ZNF737: variants seen among roughly 807,000 people sequenced by gnomAD.
ZNF737 encodes zinc finger protein 102 (Y3).
ZNF737 carries 13 observed loss-of-function variants against 11.7 expected under a neutral mutation model. The ratio of observed to expected loss-of-function variants is 1.11; its 90% CI spans 0.73 to 1.77. The LOEUF (loss-of-function observed/expected upper bound fraction) is 1.77. Among genes scored for constraint, ZNF737 ranks in the 40% most tolerant of loss-of-function variants. The probability of loss-of-function intolerance (pLI) is 0.00; values close to 1 mark genes in which losing one functional copy is unlikely to be tolerated. For synonymous variants in ZNF737, 217 were observed against 216.2 expected (o/e 1.00, Z -0.03); for missense variants, 636 against 638.0 (o/e 1.00, Z 0.03).
rs1236676182 is a variant in ZNF737 at position 20,539,700 on chromosome 19, A to T, written c.*4892T>A. On this transcript the variant is annotated 3_prime_UTR_variant, in exon 4 of 4. Coordinates refer to ENST00000427401, the MANE Select transcript of ZNF737 (RefSeq NM_001159293.2). Reference sequence around the variant, plus strand: ...ATTATTTATAAATTCATTGTTTTTAAGGTTTTTCAAATATGAAAACAGACA... The same window carrying T: ...ATTATTTATAAATTCATTGTTTTTATGGTTTTTCAAATATGAAAACAGACA... 1 of 965,608 alleles carries T rather than the reference A, an allele frequency of 1.0e-6. No individual in the cohort carries two copies. Among genetic ancestry groups the T allele is most frequent in the African/African-American group, 1.8e-5 (1 of 56,778 alleles). The allele number at this position is 965,608 out of a possible 1,614,324, so 59.8% of individuals were successfully genotyped here.
chr19:20,533,223 G>A (rs1967872035), downstream of ZNF737, among the ~76,000 whole-genome samples: 1 of 149,906 alleles, frequency 6.7e-6, no homozygotes, highest in Non-Finnish European at 1.5e-5. Context: ...AGTGCAGCAG[G>A]ATGTATATCA....
intron 1 of ZNF737, among the ~76,000 whole-genome samples, chr19:20,562,522 C>CT (rs77611842): frequency 1.5e-3 from 214 of 146,166 alleles, no homozygotes; most frequent in Middle Eastern, 3.5e-3. Flanking sequence ...TTTTCTTTTT[C>CT]TTTTTTTTTT....
At chr19:20,560,391 G>GTA (rs1449005100) in intron 1 of ZNF737, among the ~76,000 whole-genome samples, 1 of 150,068 alleles carries the variant, frequency 6.7e-6, no homozygotes, top group Non-Finnish European at 1.5e-5. Flanking sequence ...ATAAAATATG[G>GTA]TATATAAACC....
intron 3 of ZNF737, among the ~76,000 whole-genome samples, chr19:20,548,962 G>GAAAAAAAAAACAAAAAAAAAAA (rs1968556836): frequency 1.2e-5 from 1 of 86,442 alleles, no homozygotes; most frequent in African/African-American, 5.2e-5. Context: ...AAGAAAAACT[G>GAAAAAAAAAACAAAAAAAAAAA]AAAAAAAAAA....
Position 20,543,009 on chromosome 19 carries a change from G to A in ZNF737, c.*1583C>T. 1 of 985,244 alleles carries A rather than the reference G, an allele frequency of 1.0e-6. No individual in the cohort carries two copies. The highest frequency in any genetic ancestry group is 1.7e-5 in the African/African-American group (1 of 57,356). The allele number at this position is 985,244 out of a possible 1,614,324, so 61.0% of individuals were successfully genotyped here. Reference sequence around the variant, plus strand: ...AATCATTTACCTAAAAACTGCAGTTGTGGATTAGTTTTTATATTCAATGCT... The same window carrying A: ...AATCATTTACCTAAAAACTGCAGTTATGGATTAGTTTTTATATTCAATGCT... On this transcript the variant is annotated 3_prime_UTR_variant, in exon 4 of 4. Transcript: ENST00000427401.
chr19:20,547,666 A>G (rs189104114), intron 3 of ZNF737, among the ~76,000 whole-genome samples: 95 of 152,068 alleles, frequency 6.2e-4, no homozygotes, highest in African/African-American at 2.2e-3. Flanking sequence ...ACAAGTGAGG[A>G]AAAGCATTTG....
At chr19:20,557,269 C>T (rs1239426066) in intron 1 of ZNF737, among the ~76,000 whole-genome samples, 1 of 151,942 alleles carries the variant, frequency 6.6e-6, no homozygotes, top group Non-Finnish European at 1.5e-5. Flanking sequence ...TTGTGAGCAC[C>T]AGCTCTAGAA....
At chr19:20,534,770 C>G (rs1555753532), downstream of ZNF737, among the ~76,000 whole-genome samples, 1 of 149,820 alleles carries the variant, frequency 6.7e-6, no homozygotes, top group African/African-American at 2.5e-5. Flanking sequence ...CTCTTTCATA[C>G]AACTGGGAGA....
downstream of ZNF737, among the ~76,000 whole-genome samples, chr19:20,534,453 A>ATGTC (rs1555753434): frequency 6.9e-6 from 1 of 144,626 alleles, no homozygotes; most frequent in Non-Finnish European, 1.5e-5. Context: ...AAAAGAAAAA[A>ATGTC]TATCTATCTA....
chr19:20,564,689 G>A (rs1201099724), intron 1 of ZNF737, among the ~76,000 whole-genome samples: 2 of 151,994 alleles, frequency 1.3e-5, no homozygotes, highest in African/African-American at 4.8e-5. Context: ...GAGGAACATG[G>A]GGTACACTTG....
rs114169764 is a variant in ZNF737, at chr19:20,542,176, G to A, written c.*2416C>T. 9.5e-4 allele frequency: 939 copies of A among 984,648 alleles called. 10 individuals carry two copies. In the African/African-American group the frequency reaches 0.015, roughly 16 times the overall value. The allele number at this position is 984,648 out of a possible 1,614,324, so 61.0% of individuals were successfully genotyped here. On this transcript the variant is annotated 3_prime_UTR_variant, in exon 4 of 4. Transcript: ENST00000427401. ...CACAATAATGGTTCATTAAACGCAC[G>A]GTAGTCTTACCATGGTAAAAATAAA...
intron 3 of ZNF737, among the ~76,000 whole-genome samples, chr19:20,549,684 C>T (rs782780130): frequency 1.3e-5 from 2 of 152,104 alleles, no homozygotes; most frequent in East Asian, 1.9e-4. Flanking sequence ...TATCTCAACA[C>T]TTTGGGAGGC....
chr19:20,563,488 T>A (rs1555762987), intron 1 of ZNF737, among the ~76,000 whole-genome samples: 1 of 7,792 alleles, frequency 1.3e-4, no homozygotes, highest in African/African-American at 7.7e-4. Context: ...AGTGCTTACT[T>A]TTTTTTTTTT....
downstream of ZNF737, among the ~76,000 whole-genome samples, chr19:20,531,136 G>A (rs1423877886): frequency 1.0e-3 from 149 of 146,464 alleles, 6 homozygotes; most frequent in Non-Finnish European, 1.9e-3. Flanking sequence ...GCTGAGGCAG[G>A]AGAATCAGGC....
intron 3 of ZNF737, among the ~76,000 whole-genome samples, chr19:20,546,589 A>G (rs1429608768): frequency 6.6e-6 from 1 of 152,202 alleles, no homozygotes; most frequent in African/African-American, 2.4e-5. Flanking sequence ...TAGGACACAT[A>G]TGAAGTTTTA....
At chr19:20,546,454 G>A (rs904252759) in intron 3 of ZNF737, among the ~76,000 whole-genome samples, 2 of 152,132 alleles carry the variant, frequency 1.3e-5, no homozygotes, top group African/African-American at 4.8e-5. Context: ...TGCAGCATGA[G>A]GTTTGAAGAA....
In ZNF737 at chr19:20,544,853, C is replaced by A. The variant is rs146779645; in HGVS notation, c.1350G>T (p.Glu450Asp). 5.0e-6 allele frequency: 8 copies of A among 1,613,546 alleles called. No homozygotes were observed. Among genetic ancestry groups the A allele is most frequent in the Non-Finnish European group, 6.8e-6 (8 of 1,179,892 alleles). The change falls in exon 4 of 4, where the codon GAG (glutamate) becomes GAT (aspartate). Residue 450 changes from glutamate (E) to aspartate (D), a missense_variant. Coordinates refer to ENST00000427401, the MANE Select transcript of ZNF737 (RefSeq NM_001159293.2). ...CACATTCTTCACATTTGTAGGGTTT[C>A]TCTCCAGTATGAATTCTCTTATGTG... is the stretch of plus-strand genomic sequence containing the variant. ...LTTHKRIHTG[E>D]KPYKCEECGK... is the part of the protein sequence containing the mutation.
chr19:20,545,886 T>C lies in ZNF737; in HGVS notation c.317A>G (p.Tyr106Cys), dbSNP rs1555756935. 6.2e-7 allele frequency: 1 copy of C among 1,611,916 alleles called. No individual in the cohort carries two copies. The highest frequency in any genetic ancestry group is 1.3e-5 in the African/African-American group (1 of 74,772). ...TTTAAACTGTAAATTGTCATGTCCA[T>C]AGTTTTCATATCTTCTCAGTGTCAC... ...QKVTLRRYEN[Y>C]GHDNLQFKKG... Residue 106 changes from tyrosine to cysteine, a missense_variant, in exon 4 of 4, where the codon TAT becomes TGT. Physicochemically the swap from Tyr to Cys is radical, Grantham distance 194. Transcript: ENST00000427401.
At chr19:20,534,031 AATC>A (rs749579474), downstream of ZNF737, among the ~76,000 whole-genome samples, 52 of 150,182 alleles carry the variant, frequency 3.5e-4, 3 homozygotes, top group Non-Finnish European at 6.1e-4. Flanking sequence ...CACCTGGGCT[AATC>A]AGCCGGGCTG....
Sources: gnomAD v4.1 joint callset for allele counts (sites outside exome capture counted in the v4.1 genomes callset) on GRCh38, gnomAD v4.1.1 for gene constraint, MANE v1.5 for transcripts, NCBI Gene and HGNC (gene_info 2026-07-23, HGNC 2026-07-21) for gene names.